FBXL19: variants seen among roughly 807,000 people sequenced by gnomAD.
FBXL19 encodes the protein F-box and leucine rich repeat protein 19.
Under a neutral mutation model 71.2 loss-of-function variants are expected in FBXL19, and 16 were observed. That is an observed-to-expected ratio of 0.22 (90% CI 0.15 to 0.34). The LOEUF (loss-of-function observed/expected upper bound fraction) is 0.34, where lower values mean the gene tolerates loss of function less well. Among genes scored for constraint, FBXL19 ranks in the 10% least tolerant of loss-of-function variants. FBXL19 has a pLI of 1.00. For synonymous variants in FBXL19, 447 were observed against 409.4 expected, an observed-to-expected ratio of 1.09 and a Z score of -1.11; for missense variants, 658 against 968.2, an observed-to-expected ratio of 0.68 and a Z score of 4.25.
At chr16:30,943,835 CCT>C (rs1261827726) in intron 9 of FBXL19, among the ~76,000 whole-genome samples, 2 of 152,138 alleles carry the variant, frequency 1.3e-5, no homozygotes, top group Non-Finnish European at 2.9e-5. Flanking sequence ...TTCTTTCACC[CCT>C]CTCTTTCATA....
At chr16:30,924,628 C>T in intron 1 of FBXL19, 169 bp downstream of exon 1, 12 of 1,380,680 alleles carry the variant, frequency 8.7e-6, no homozygotes, top group Non-Finnish European at 1.1e-5. Context: ...GGAACTGGCC[C>T]TCCTTCCTAG....
chr16:30,935,797 G>A (rs2055725792), intron 7 of FBXL19, among the ~76,000 whole-genome samples: 1 of 152,110 alleles, frequency 6.6e-6, no homozygotes, highest in South Asian at 2.1e-4. Context: ...TAGTAGGAGA[G>A]GACTCATTGC....
At chr16:30,923,061 C>T (rs777106439), upstream of FBXL19, 15 of 456,846 alleles carry the variant, frequency 3.3e-5, no homozygotes, top group South Asian at 2.3e-4. Flanking sequence ...CGCCATCTTG[C>T]TTGTAGTCCT....
At chr16:30,923,287 G>C (rs1301182859), upstream of FBXL19, 3 of 441,312 alleles carry the variant, frequency 6.8e-6, no homozygotes, top group Non-Finnish European at 1.4e-5. Context: ...TGGGAGCCTC[G>C]GGGCAACGGG....
At chr16:30,940,468 T>C (rs1033054271) in intron 7 of FBXL19, among the ~76,000 whole-genome samples, 2 of 151,588 alleles carry the variant, frequency 1.3e-5, no homozygotes, top group African/African-American at 4.8e-5. Flanking sequence ...TGACACAGTC[T>C]ATTGAGTCTC....
In FBXL19 at chr16:30,939,098, G is replaced by A. The variant is rs560854511; in HGVS notation, c.1302-3018G>A. On this transcript the variant is annotated intron_variant, in intron 7 of 10. Transcript: ENST00000338343. ...TTTATTTATTTATTTTTGAGACAGA[G>A]TCTCGCTCTGTCACCCAGGCTGGAG... is the stretch of plus-strand genomic sequence containing the variant. 2.6e-5 allele frequency among the ~76,000 whole-genome samples: 4 copies of A among 151,936 alleles called. No individual in the cohort carries two copies. The East Asian group carries it at 7.8e-4, about 30-fold the overall frequency.
In FBXL19 at chr16:30,925,697, G is replaced by T; in HGVS notation, c.-24-34G>T. 1 of 1,476,308 alleles carries T rather than the reference G, an allele frequency of 6.8e-7. No individual in the cohort carries two copies. Among genetic ancestry groups the T allele is most frequent in the South Asian group, 1.3e-5 (1 of 75,008 alleles). The allele number at this position is 1,476,308 out of a possible 1,614,324, so 91.5% of individuals were successfully genotyped here. Reference sequence around the variant, plus strand: ...GGGTCTCCCAGGCCAGGGCCCCAGTGGGCCCATCTGACCCTGCCACCATCC... The same window carrying T: ...GGGTCTCCCAGGCCAGGGCCCCAGTTGGCCCATCTGACCCTGCCACCATCC... On this transcript the variant is annotated intron_variant, in intron 1 of 10. Coordinates refer to ENST00000338343, the MANE Select transcript of FBXL19 (RefSeq NM_001382779.1). The surrounding 1 kb of genome is among the most constrained non-coding windows in gnomAD (Gnocchi z 5.0).
At position 30,930,226 on chromosome 16, in the gene FBXL19, G is replaced by A. The variant is rs1479692161; in HGVS notation, c.943G>A (p.Asp315Asn). The A allele has an allele frequency of 1.3e-5, 21 of 1,612,936 alleles. No homozygotes were observed. The East Asian group carries it at 1.8e-4, about 14-fold the overall frequency. ...SSSSDSDSDS[D>N]SSGTSLSEDE... ...CTCCTCGGACTCAGACTCCGACTCCGACTCTTCGGGCACATCGCTGAGTGA... is the reference window on the plus strand; with the variant it reads ...CTCCTCGGACTCAGACTCCGACTCCAACTCTTCGGGCACATCGCTGAGTGA... The change falls in exon 7 of 11, where the codon GAC becomes AAC. Residue 315 changes from aspartate to asparagine, a missense_variant. Asp to Asn is a conservative substitution (Grantham distance 23). Around this residue, in one of 8 missense-constraint regions of FBXL19, gnomAD observed 447 missense variants for 515.4 expected, o/e 0.87. Transcript: ENST00000338343. This position sits in a 1 kb window ranked among gnomAD's most constrained non-coding sequence, Gnocchi z 8.5.
chr16:30,924,695 C>T lies in FBXL19; in HGVS notation c.-25+236C>T, dbSNP rs773488875. ...GCCTGCAGTCGCCGCCCTCCAGGCC[C>T]CTCCCCTGGAGCGCTGGAGGGCCCC... On this transcript the variant is annotated intron_variant, in intron 1 of 10. Transcript: ENST00000338343. 20 of 1,481,834 alleles carry T rather than the reference C, an allele frequency of 1.3e-5. No individual in the cohort carries two copies. In the East Asian group the frequency reaches 1.9e-4, roughly 14 times the overall value. 91.8% of individuals were successfully genotyped at this position (1,481,834 alleles called of 1,614,324 possible).
chr16:30,927,862 A>C lies in FBXL19; in HGVS notation c.526A>C (p.Lys176Gln). 1 of 1,536,372 alleles carries C rather than the reference A, an allele frequency of 6.5e-7. No homozygotes were observed. Reference sequence around the variant, plus strand: ...GCTTCCACCGCCCCCGCCCAGGCGCAAGGGCCCCCTGCCTGCCGGGCCCCC... The same window carrying C: ...GCTTCCACCGCCCCCGCCCAGGCGCCAGGGCCCCCTGCCTGCCGGGCCCCC... ...PPLPPPPPRR[K>Q]GPLPAGPPPE... Residue 176 changes from lysine (K) to glutamine (Q), a missense_variant, in exon 5 of 11, where the codon AAG (lysine) becomes CAG (glutamine). Lys to Gln is a moderately conservative substitution (Grantham distance 53). Around this residue, in one of 8 missense-constraint regions of FBXL19, gnomAD observed 447 missense variants for 515.4 expected, o/e 0.87. Transcript: ENST00000338343.
At position 30,925,145 on chromosome 16, in the gene FBXL19, G is replaced by C. The variant is rs1181428054; in HGVS notation, c.-24-586G>C. Among the ~76,000 whole-genome samples the C allele has an allele frequency of 2.0e-5, 3 of 152,112 alleles. No homozygotes were observed. The highest frequency in any genetic ancestry group is 4.4e-5 in the Non-Finnish European group (3 of 68,012). ...GGCAGAGGAGATCGTTAGGGACTTG[G>C]GGGCAAGGATCTCGCTGGATCTGGT... On this transcript the variant is annotated intron_variant, in intron 1 of 10. Coordinates refer to ENST00000338343, the MANE Select transcript of FBXL19 (RefSeq NM_001382779.1). The surrounding 1 kb of genome is among the most constrained non-coding windows in gnomAD (Gnocchi z 5.0).
At chr16:30,928,023 G>T (rs946318195) in intron 5 of FBXL19, 60 bp downstream of exon 5, 3 of 1,218,898 alleles carry the variant, frequency 2.5e-6, no homozygotes, top group African/African-American at 3.1e-5. Flanking sequence ...CTGTAGTCCT[G>T]GCTGGTTCTG....
At chr16:30,932,228 CT>C (rs1244089355) in intron 7 of FBXL19, among the ~76,000 whole-genome samples, 1 of 152,342 alleles carries the variant, frequency 6.6e-6, no homozygotes, top group East Asian at 1.9e-4. Flanking sequence ...CCAGTATTTA[CT>C]TAGTTGCAAA....
In FBXL19 at chr16:30,942,285, G is replaced by A. The variant is rs371233757; in HGVS notation, c.1465+6G>A. 3.3e-4 allele frequency: 525 copies of A among 1,599,510 alleles called. 1 individual carries two copies. Among genetic ancestry groups the A allele is most frequent in the Non-Finnish European group, 4.3e-4 (499 of 1,172,444 alleles). ...GCTTCTGAACCGACTACAAGGTAGG[G>A]TGTGTGGTACGGAGGACAGGGTGGG... On this transcript the variant is annotated splice_donor_region_variant and intron_variant, in intron 8 of 10. Transcript: ENST00000338343. This position sits in a 1 kb window ranked among gnomAD's most constrained non-coding sequence, Gnocchi z 5.7.
chr16:30,935,148 G>T (rs574151896), intron 7 of FBXL19, among the ~76,000 whole-genome samples: 8 of 152,176 alleles, frequency 5.3e-5, no homozygotes, highest in Non-Finnish European at 8.8e-5. Context: ...TGTGCTCTGG[G>T]GGTTGGGGGT....
Position 30,942,593 on chromosome 16 carries a change from C to T in FBXL19, c.1627+57C>T, listed in dbSNP as rs2055815332. 1.3e-6 allele frequency: 2 copies of T among 1,489,454 alleles called. No individual in the cohort carries two copies. The highest frequency in any genetic ancestry group is 1.8e-6 in the Non-Finnish European group (2 of 1,118,546). 92.3% of individuals were successfully genotyped at this position (1,489,454 alleles called of 1,614,324 possible). On this transcript the variant is annotated intron_variant, in intron 9 of 10. Coordinates refer to ENST00000338343, the MANE Select transcript of FBXL19 (RefSeq NM_001382779.1). The surrounding 1 kb of genome is among the most constrained non-coding windows in gnomAD (Gnocchi z 5.7). ...GGCTGGGCAAGGGTAGGGTAGGAGG[C>T]CTCTCAGGTCTCTTCTGACTCATGC...
At chr16:30,936,179 A>T (rs532284073) in intron 7 of FBXL19, among the ~76,000 whole-genome samples, 20 of 152,162 alleles carry the variant, frequency 1.3e-4, no homozygotes, top group Non-Finnish European at 2.6e-4. Context: ...CAAAGCCTGG[A>T]GGTGGCAGAG....
intron 7 of FBXL19, among the ~76,000 whole-genome samples, chr16:30,941,391 G>C (rs541647856): frequency 1.5e-4 from 23 of 152,322 alleles, no homozygotes; most frequent in Non-Finnish European, 2.8e-4. Flanking sequence ...GAGGTGGGAG[G>C]ATTGCTTGAG....
intron 7 of FBXL19, among the ~76,000 whole-genome samples, chr16:30,931,734 TA>T (rs1259278051): frequency 1.3e-5 from 2 of 152,050 alleles, no homozygotes; most frequent in Non-Finnish European, 2.9e-5. Context: ...TTTTTATTTT[TA>T]TTTTTTTTTA....
Sources: allele counts gnomAD v4.1 joint callset (sites outside exome capture counted in the v4.1 genomes callset), GRCh38; gene constraint gnomAD v4.1.1; regional missense constraint gnomAD v4.1.1; non-coding constraint Gnocchi (gnomAD v3.1); transcripts MANE v1.5; gene names NCBI Gene and HGNC (gene_info 2026-07-23, HGNC 2026-07-21).